Variants in BICC1 observed in about 807,000 individuals in gnomAD.
BICC1 encodes protein bicaudal C homolog 1.
In BICC1, 43 loss-of-function variants were observed where a neutral mutation model predicts 111.0. That is an observed-to-expected ratio of 0.39 (90% CI 0.30 to 0.50). The LOEUF is 0.50. Ranked by LOEUF, BICC1 falls within the 20% of genes least tolerant of loss-of-function variation. The pLI is 0.88. For missense variants in BICC1, 1,091 were observed against 1,203.2 expected (o/e 0.91, Z 1.38); for synonymous variants, 467 against 434.4 (o/e 1.07, Z -0.93).
chr10:58,515,548 G>T (rs78959214), intron 1 of BICC1, among the ~76,000 whole-genome samples: 1 of 152,148 alleles, frequency 6.6e-6, no homozygotes. Flanking sequence ...TGTTACTATG[G>T]CTATGACATC....
intron 1 of BICC1, among the ~76,000 whole-genome samples, chr10:58,586,469 G>A: frequency 6.7e-6 from 1 of 148,992 alleles, no homozygotes; most frequent in East Asian, 2.1e-4. Flanking sequence ...TTCATGCAGA[G>A]TACTTCCTGT....
Position 58,831,407 on chromosome 10 carries a change from T to A in BICC1, c.*2516T>A, listed in dbSNP as rs1287234984. On this transcript the variant is annotated 3_prime_UTR_variant, in exon 21 of 21. Coordinates refer to ENST00000373886, the MANE Select transcript of BICC1 (RefSeq NM_001080512.3). ...TCAATTGTTACATGAAAAATAAATTTATATAACCCCTTTGTATTGCTCTTG... is the reference window on the plus strand; with the variant it reads ...TCAATTGTTACATGAAAAATAAATTAATATAACCCCTTTGTATTGCTCTTG... 1 of 152,124 alleles carries A rather than the reference T, an allele frequency of 6.6e-6. No individual in the cohort carries two copies. 9.4% of individuals were successfully genotyped at this position (152,124 alleles called of 1,614,324 possible).
At chr10:58,694,290 A>G (rs1454853063) in intron 2 of BICC1, among the ~76,000 whole-genome samples, 66 of 152,202 alleles carry the variant, frequency 4.3e-4, no homozygotes, top group Admixed American at 4.2e-3. Context: ...AGGAGTCATC[A>G]TGACTACTTG....
intron 3 of BICC1, among the ~76,000 whole-genome samples, chr10:58,725,952 T>C (rs551545893): frequency 6.6e-6 from 1 of 152,350 alleles, no homozygotes; most frequent in African/African-American, 2.4e-5. Context: ...TCCTTTACAA[T>C]TGGGGAACTT....
chr10:58,632,494 C>T (rs374202458), intron 2 of BICC1, among the ~76,000 whole-genome samples: 76 of 151,690 alleles, frequency 5.0e-4, no homozygotes, highest in African/African-American at 1.7e-3. Context: ...ATGGAGGAAA[C>T]GGAGGGAGTG....
At chr10:58,686,121 T>C (rs1454464873) in intron 2 of BICC1, among the ~76,000 whole-genome samples, 4 of 152,222 alleles carry the variant, frequency 2.6e-5, no homozygotes, top group Admixed American at 1.3e-4. Context: ...CCTTCACTTA[T>C]GAAGCTTAGT....
At position 58,786,995 on chromosome 10, in the gene BICC1, A is replaced by G. The variant is rs1589137109; in HGVS notation, c.460A>G (p.Asn154Asp). ...ACATGTAATCGGCAAAGGTGGCAAC[A>G]ATATTAAAAAAGTGATGGAAGAAAC... The part of the protein sequence containing the change: ...HSHVIGKGGN[N>D]IKKVMEETGC... Residue 154 changes from asparagine to aspartate, a missense_variant, in exon 5 of 21, where the codon AAT becomes GAT. This residue lies in a region of BICC1 where 843 missense variants were observed against 900.8 expected (regional missense o/e 0.94). Transcript: ENST00000373886. 5 of 1,610,688 alleles carry G rather than the reference A, an allele frequency of 3.1e-6. No individual in the cohort carries two copies. The East Asian group carries it at 9.0e-5, about 29-fold the overall frequency.
chr10:58,569,131 A>T (rs11815274), intron 1 of BICC1, among the ~76,000 whole-genome samples: 2 of 152,078 alleles, frequency 1.3e-5, no homozygotes, highest in African/African-American at 4.8e-5. Context: ...AATGCTGTTC[A>T]TGTATGTTTA....
intron 1 of BICC1, among the ~76,000 whole-genome samples, chr10:58,610,932 G>T (rs1845397846): frequency 6.6e-6 from 1 of 152,126 alleles, no homozygotes; most frequent in African/African-American, 2.4e-5. Flanking sequence ...ACTGAGAGCT[G>T]CACAAAATCA....
intron 1 of BICC1, among the ~76,000 whole-genome samples, chr10:58,560,284 A>G (rs1353322418): frequency 6.6e-6 from 1 of 151,970 alleles, no homozygotes; most frequent in Admixed American, 6.6e-5. Context: ...TCCTGGTTCA[A>G]TCTTGATAGG....
rs1843496299 is a variant in BICC1, at chr10:58,800,204, T to C, written c.1736T>C (p.Ile579Thr). Residue 579 changes from isoleucine to threonine, a missense_variant, in exon 13 of 21, where the codon ATA (isoleucine) becomes ACA (threonine). Ile to Thr is a moderately conservative substitution (Grantham distance 89). Coordinates refer to ENST00000373886, the MANE Select transcript of BICC1 (RefSeq NM_001080512.3). ...ALNGHAQSPD[I>T]KYGAISTSSL... ...CTATTATTATTTTAGTCTCCAGATA[T>C]AAAATATGGTGCAATATCCACTTCA... 1 of 1,599,220 alleles carries C rather than the reference T, an allele frequency of 6.3e-7. No homozygotes were observed. The highest frequency in any genetic ancestry group is 1.1e-5 in the South Asian group (1 of 90,104).
intron 10 of BICC1, 22 bp from the exon 11 acceptor site, chr10:58,798,377 T>G: frequency 6.5e-7 from 1 of 1,530,156 alleles, no homozygotes; most frequent in Non-Finnish European, 8.8e-7. Flanking sequence ...GTGAATTGAC[T>G]TTATATATTC....
intron 2 of BICC1, among the ~76,000 whole-genome samples, chr10:58,664,202 G>A (rs1003560331): frequency 6.6e-6 from 1 of 152,082 alleles, no homozygotes; most frequent in South Asian, 2.1e-4. Context: ...AGTTTTAGTT[G>A]TTTCACATCC....
intron 1 of BICC1, among the ~76,000 whole-genome samples, chr10:58,605,462 A>G (rs1360228618): frequency 6.6e-6 from 1 of 152,240 alleles, no homozygotes; most frequent in East Asian, 1.9e-4. Flanking sequence ...TTCCCAATAA[A>G]GTTTAATGAC....
chr10:58,587,685 G>A (rs926611818), intron 1 of BICC1, among the ~76,000 whole-genome samples: 1 of 152,108 alleles, frequency 6.6e-6, no homozygotes, highest in African/African-American at 2.4e-5. Flanking sequence ...CATTTTTGAT[G>A]TAGTTACAAT....
rs1462954748 is a variant in BICC1, at chr10:58,639,009, A to G, written c.237+18108A>G. Among the ~76,000 whole-genome samples, 7 of 149,928 alleles carry G rather than the reference A, an allele frequency of 4.7e-5. No homozygotes were observed. The East Asian group carries it at 1.4e-3, about 30-fold the overall frequency. The stretch of plus-strand genomic sequence containing the variant: ...TTATGGTGTACATATTTCATTGTAT[A>G]TATGTACATTGTGGAATAGCTAAAT... On this transcript the variant is annotated intron_variant, in intron 2 of 20. Coordinates refer to ENST00000373886, the MANE Select transcript of BICC1 (RefSeq NM_001080512.3).
chr10:58,763,044 G>A (rs183013854), intron 3 of BICC1, among the ~76,000 whole-genome samples: 107 of 138,248 alleles, frequency 7.7e-4, no homozygotes, highest in African/African-American at 2.6e-3. Flanking sequence ...TTTTGTGAAT[G>A]GGGGAAATAT....
intron 1 of BICC1, among the ~76,000 whole-genome samples, chr10:58,550,475 G>GT (rs1003142212): frequency 2.0e-5 from 3 of 152,048 alleles, no homozygotes; most frequent in Non-Finnish European, 4.4e-5. Context: ...CATAAATAAT[G>GT]TTTTTTTGTA....
intron 8 of BICC1, among the ~76,000 whole-genome samples, chr10:58,790,862 T>TA (rs1843154991): frequency 6.6e-6 from 1 of 152,214 alleles, no homozygotes; most frequent in Non-Finnish European, 1.5e-5. Flanking sequence ...GATAATGTAG[T>TA]AACAAAATGG....
Sources: gnomAD v4.1 joint callset for allele counts (sites outside exome capture counted in the v4.1 genomes callset) on GRCh38, gnomAD v4.1.1 for gene constraint, gnomAD v4.1.1 regional missense constraint, MANE v1.5 for transcripts, NCBI Gene and HGNC (gene_info 2026-07-23, HGNC 2026-07-21) for gene names.